PTPRN2: variants seen among roughly 807,000 people sequenced by gnomAD.
PTPRN2 encodes the protein protein tyrosine phosphatase receptor type N2, also known as receptor-type tyrosine-protein phosphatase N2.
In PTPRN2, 74 loss-of-function variants were observed where a neutral mutation model predicts 118.8. The observed-to-expected ratio is 0.62, with a 90% confidence interval of 0.52 to 0.76. The LOEUF (loss-of-function observed/expected upper bound fraction) is 0.76. PTPRN2 is among the 30% of genes least tolerant of loss of function. The pLI is 0.00. For synonymous variants in PTPRN2, 641 were observed against 608.0 expected (o/e 1.05, Z -0.80); for missense variants, 1,481 against 1,394.4 (o/e 1.06, Z -0.99).
At chr7:158,312,418 A>G (rs952761765) in intron 3 of PTPRN2, among the ~76,000 whole-genome samples, 2 of 28,494 alleles carry the variant, frequency 7.0e-5, no homozygotes, top group African/African-American at 1.4e-4. Context: ...ACATGTAGAC[A>G]TACACACACA....
chr7:157,966,924 T>C (rs547123711), intron 11 of PTPRN2, among the ~76,000 whole-genome samples: 2 of 152,370 alleles, frequency 1.3e-5, no homozygotes, highest in East Asian at 3.9e-4. Flanking sequence ...CTCATCATCA[T>C]TTTTAAAAAG....
intron 9 of PTPRN2, among the ~76,000 whole-genome samples, chr7:158,118,697 A>G (rs1816918801): frequency 6.6e-6 from 1 of 152,188 alleles, no homozygotes; most frequent in Admixed American, 6.5e-5. Context: ...TAAACATGAC[A>G]GTCTTTGTTT....
At position 158,022,961 on chromosome 7, in the gene PTPRN2, T is replaced by C. The variant is rs780436680; in HGVS notation, c.1723+58337A>G. On this transcript the variant is annotated intron_variant, in intron 11 of 22. Transcript: ENST00000389418. The surrounding 1 kb of genome is among the most constrained non-coding windows in gnomAD (Gnocchi z 4.6). ...GCAAGAGCAGGGTCGCCCTGGTGAG[T>C]CTGAACTCTGTGCACTCCTGTTTAG... is the stretch of plus-strand genomic sequence containing the variant. Among the ~76,000 whole-genome samples, 33 of 152,146 alleles carry C rather than the reference T, an allele frequency of 2.2e-4. No homozygotes were observed. The highest frequency in any genetic ancestry group is 4.1e-4 in the Non-Finnish European group (28 of 68,036).
chr7:158,205,910 C>T (rs767820226), intron 3 of PTPRN2, among the ~76,000 whole-genome samples: 6 of 152,200 alleles, frequency 3.9e-5, no homozygotes, highest in Non-Finnish European at 8.8e-5. Context: ...CAGTACCACC[C>T]ATCCCAGTGG....
At chr7:158,107,184 G>C (rs1281912416) in intron 10 of PTPRN2, among the ~76,000 whole-genome samples, 1 of 151,938 alleles carries the variant, frequency 6.6e-6, no homozygotes, top group Non-Finnish European at 1.5e-5. Context: ...CAGAAACTGG[G>C]ATCTTGCTGT....
chr7:158,024,347 A>G (rs1807114830), intron 11 of PTPRN2, among the ~76,000 whole-genome samples: 1 of 152,180 alleles, frequency 6.6e-6, no homozygotes, highest in Non-Finnish European at 1.5e-5. Flanking sequence ...AATCAATCAG[A>G]AGAACACAGG....
In PTPRN2 at chr7:157,785,882, G is replaced by T. The variant is rs1299919936; in HGVS notation, c.1789-102945C>A. ...GTTTTCCTGGAGTTCATAATCACTG[G>T]TTTTTTTTGTGTGCGTGTTCACCAG... On this transcript the variant is annotated intron_variant, in intron 12 of 22. Coordinates refer to ENST00000389418, the MANE Select transcript of PTPRN2 (RefSeq NM_002847.5). This position sits in a 1 kb window ranked among gnomAD's most constrained non-coding sequence, Gnocchi z 7.3. Among the ~76,000 whole-genome samples the T allele has an allele frequency of 6.6e-5, 10 of 151,990 alleles. No individual in the cohort carries two copies. In the East Asian group the frequency reaches 9.7e-4, roughly 15 times the overall value.
rs569832452 is a variant in PTPRN2, at chr7:158,208,299, T to TA, written c.278-3027dup. Among the ~76,000 whole-genome samples the TA allele has an allele frequency of 1.7e-3, 258 of 152,258 alleles. 1 individual carries two copies. Among genetic ancestry groups the TA allele is most frequent in the African/African-American group, 6.0e-3 (248 of 41,564 alleles). On this transcript the variant is annotated intron_variant, in intron 3 of 22. Transcript: ENST00000389418. The stretch of plus-strand genomic sequence containing the variant: ...TGTCAGTGTTCAAGTATAGGAAGGC[T>TA]ATAAGAACACTAAACAGATTCAACC...
chr7:158,450,077 C>T (rs1429291195), intron 2 of PTPRN2, among the ~76,000 whole-genome samples: 3 of 152,320 alleles, frequency 2.0e-5, no homozygotes, highest in Non-Finnish European at 2.9e-5. Flanking sequence ...GGCTTCTCAC[C>T]GCGTCCTTAC....
intron 13 of PTPRN2, among the ~76,000 whole-genome samples, chr7:157,668,489 G>T (rs1464514280): frequency 6.6e-6 from 1 of 152,184 alleles, no homozygotes; most frequent in Non-Finnish European, 1.5e-5. Context: ...ACTAGTAACA[G>T]GACAACACTA....
chr7:157,910,186 G>A (rs1161411491), intron 11 of PTPRN2, among the ~76,000 whole-genome samples: 2 of 152,154 alleles, frequency 1.3e-5, no homozygotes, highest in Non-Finnish European at 2.9e-5. Flanking sequence ...ACGCATGTAC[G>A]CCGTGGGAAT....
In PTPRN2 at chr7:158,555,720, C is replaced by T. The variant is rs530661240; in HGVS notation, c.112+31838G>A. Among the ~76,000 whole-genome samples, 191 of 152,240 alleles carry T rather than the reference C, an allele frequency of 1.3e-3. 1 individual carries two copies. Among genetic ancestry groups the T allele is most frequent in the African/African-American group, 4.5e-3 (186 of 41,492 alleles). On this transcript the variant is annotated intron_variant, in intron 1 of 22. Transcript: ENST00000389418. This position sits in a 1 kb window ranked among gnomAD's most constrained non-coding sequence, Gnocchi z 4.7. The stretch of plus-strand genomic sequence containing the variant: ...ATCTGAAGGGTAAAGGGAGCTCTTC[C>T]GCCAACAGGTGGCCGGTGTTGCTTC...
At chr7:157,988,523 G>T (rs1585149189) in intron 11 of PTPRN2, among the ~76,000 whole-genome samples, 1 of 152,350 alleles carries the variant, frequency 6.6e-6, no homozygotes, top group South Asian at 2.1e-4. Flanking sequence ...TCCCGGGCAG[G>T]TGTGTACATC....
intron 2 of PTPRN2, among the ~76,000 whole-genome samples, chr7:158,463,074 C>CA (rs1224711729): frequency 3.3e-5 from 5 of 152,186 alleles, no homozygotes; most frequent in Non-Finnish European, 7.3e-5. Flanking sequence ...CCATAAACCC[C>CA]AAAGCCCCAG....
Position 157,801,479 on chromosome 7 carries a change from TTAA to T in PTPRN2, c.1788+97191_1788+97193del, listed in dbSNP as rs1485459914. ...CGTGAGAGCAGCTGCATGGATTTTT[TTAA>T]TGTCAAATTCCATATGAAACAGCAC... On this transcript the variant is annotated intron_variant, in intron 12 of 22. Transcript: ENST00000389418. This position sits in a 1 kb window ranked among gnomAD's most constrained non-coding sequence, Gnocchi z 4.2. 6.6e-6 allele frequency among the ~76,000 whole-genome samples: 1 copy of T among 152,158 alleles called. No individual in the cohort carries two copies. Among genetic ancestry groups the T allele is most frequent in the Non-Finnish European group, 1.5e-5 (1 of 68,030 alleles).
rs1243789515 is a variant in PTPRN2, at chr7:158,093,560, G to A, written c.1644-12183C>T. Among the ~76,000 whole-genome samples the A allele has an allele frequency of 1.3e-5, 2 of 152,206 alleles. No individual in the cohort carries two copies. Among genetic ancestry groups the A allele is most frequent in the Non-Finnish European group, 1.5e-5 (1 of 68,048 alleles). On this transcript the variant is annotated intron_variant, in intron 10 of 22. Transcript: ENST00000389418. The surrounding 1 kb of genome is among the most constrained non-coding windows in gnomAD (Gnocchi z 4.4). ...GCTGGGCTAATCCAAGCTACCGACA[G>A]AAAACCAATAAAAAAATGAGCTCAC...
chr7:158,037,423 C>T (rs1808163128), intron 11 of PTPRN2, among the ~76,000 whole-genome samples: 1 of 152,212 alleles, frequency 6.6e-6, no homozygotes, highest in Non-Finnish European at 1.5e-5. Context: ...ACACCCACAA[C>T]CTGCACGGCA....
intron 2 of PTPRN2, among the ~76,000 whole-genome samples, chr7:158,405,042 A>C (rs1235517354): frequency 2.4e-4 from 11 of 45,624 alleles, no homozygotes; most frequent in Non-Finnish European, 3.2e-4. Flanking sequence ...CCCGGCCCCC[A>C]GCTCCCCGGC....
intron 9 of PTPRN2, among the ~76,000 whole-genome samples, chr7:158,131,838 A>AAC (rs140758625): frequency 0.016 from 2,370 of 147,864 alleles, 61 homozygotes; most frequent in East Asian, 0.083. Context: ...ACATCTACCC[A>AAC]ACACACACAC....
Sources: gnomAD v4.1 joint callset for allele counts (sites outside exome capture counted in the v4.1 genomes callset) on GRCh38, gnomAD v4.1.1 for gene constraint, Gnocchi (gnomAD v3.1) non-coding constraint, MANE v1.5 for transcripts, NCBI Gene and HGNC (gene_info 2026-07-23, HGNC 2026-07-21) for gene names.